Variants in LIPJ observed in about 807,000 individuals in gnomAD.
The protein encoded by LIPJ is lipase member J.
A neutral mutation model predicts 39.8 loss-of-function variants in LIPJ; 33 were observed. The ratio of observed to expected loss-of-function variants is 0.83; its 90% CI spans 0.63 to 1.11. The LOEUF is 1.11. Ranked by LOEUF, LIPJ falls within the 50% of genes least tolerant of loss-of-function variation. The pLI, the probability that LIPJ is intolerant of heterozygous loss-of-function variation, is 0.00. For synonymous variants in LIPJ, 128 were observed against 139.2 expected (o/e 0.92, Z 0.57); for missense variants, 422 against 427.9 (o/e 0.99, Z 0.12).
upstream of LIPJ, chr10:88,583,010 C>CA (rs1850734820): frequency 6.4e-7 from 1 of 1,565,728 alleles, no homozygotes; most frequent in Non-Finnish European, 8.7e-7. Flanking sequence ...TGCAGGCCCA[C>CA]ACCACCTCAG....
chr10:88,613,844 A>G, the LIPJ span, among the ~76,000 whole-genome samples: 1 of 143,782 alleles, frequency 7.0e-6, no homozygotes, highest in Admixed American at 7.1e-5. Context: ...GTATATATAT[A>G]TGTATATATG....
intron 8 of LIPJ, among the ~76,000 whole-genome samples, chr10:88,601,995 T>C (rs1336865608): frequency 6.6e-6 from 1 of 152,184 alleles, no homozygotes. Context: ...CAAACATAGA[T>C]TACAGATTAA....
At chr10:88,597,903 G>T (rs569517216) in intron 8 of LIPJ, among the ~76,000 whole-genome samples, 28 of 151,942 alleles carry the variant, frequency 1.8e-4, no homozygotes, top group African/African-American at 4.8e-4. Context: ...GTTTTAGGTA[G>T]TATATTTGGC....
intron 2 of LIPJ, among the ~76,000 whole-genome samples, chr10:88,587,965 T>G (rs1044772798): frequency 2.0e-5 from 3 of 152,054 alleles, no homozygotes; most frequent in Non-Finnish European, 2.9e-5. Flanking sequence ...TGATGAGATA[T>G]TTTACATTAT....
At chr10:88,590,901 C>T (rs889378748) in intron 3 of LIPJ, among the ~76,000 whole-genome samples, 3 of 151,626 alleles carry the variant, frequency 2.0e-5, no homozygotes, top group African/African-American at 7.3e-5. Flanking sequence ...CATACTTTCA[C>T]ATATTTGAAA....
At chr10:88,601,256 T>C (rs1590085897) in intron 8 of LIPJ, among the ~76,000 whole-genome samples, 1 of 152,234 alleles carries the variant, frequency 6.6e-6, no homozygotes, top group African/African-American at 2.4e-5. Flanking sequence ...GGGCAGAGCC[T>C]TTACAGCTCA....
chr10:88,589,282 G>A (rs1263612665), intron 2 of LIPJ, among the ~76,000 whole-genome samples: 1 of 151,850 alleles, frequency 6.6e-6, no homozygotes, highest in Admixed American at 6.6e-5. Flanking sequence ...GACAGCCCAT[G>A]AGGAGAGAGA....
chr10:88,614,866 A>T, the LIPJ span, among the ~76,000 whole-genome samples: 394 of 152,294 alleles, frequency 2.6e-3, 3 homozygotes, highest in Middle Eastern at 6.8e-3. Flanking sequence ...GAAATAAACT[A>T]GAGAGTCTAG....
At chr10:88,616,704 C>T in the LIPJ span, among the ~76,000 whole-genome samples, 1 of 152,190 alleles carries the variant, frequency 6.6e-6, no homozygotes, top group Non-Finnish European at 1.5e-5. Context: ...ATGGGTATCC[C>T]GCAACCCCTG....
chr10:88,591,405 C>G (rs1233317712), exon 4 of LIPJ: 1 of 1,602,494 alleles, frequency 6.2e-7, no homozygotes, highest in East Asian at 2.3e-5. Context: ...CTGGGGCTAC[C>G]CTGATGAAGA....
upstream of LIPJ, chr10:88,583,590 A>T: frequency 2.0e-6 from 2 of 1,000,924 alleles, no homozygotes; most frequent in Non-Finnish European, 2.4e-6. Flanking sequence ...GCCTGTTGGG[A>T]TTTTTGCTGT....
intron 4 of LIPJ, chr10:88,592,525 A>G (rs898630023): frequency 2.0e-5 from 3 of 151,860 alleles, no homozygotes; most frequent in African/African-American, 7.2e-5. Flanking sequence ...ATAATATAAT[A>G]TGACTCAGCT....
intron 9 of LIPJ, among the ~76,000 whole-genome samples, chr10:88,603,710 A>C (rs1020162118): frequency 6.6e-6 from 1 of 152,332 alleles, no homozygotes; most frequent in African/African-American, 2.4e-5. Flanking sequence ...GCTAATGATT[A>C]TGAATGTACA....
chr10:88,588,743 T>A (rs370345067), intron 2 of LIPJ, among the ~76,000 whole-genome samples: 9 of 151,976 alleles, frequency 5.9e-5, no homozygotes, highest in Admixed American at 5.9e-4. Flanking sequence ...TTAGCTTTCA[T>A]ATTAAAATTA....
intron 8 of LIPJ, among the ~76,000 whole-genome samples, chr10:88,598,124 C>T (rs1348306998): frequency 6.6e-6 from 1 of 151,910 alleles, no homozygotes; most frequent in African/African-American, 2.4e-5. Flanking sequence ...AATTTTCACG[C>T]ACAGTGTGTT....
chr10:88,586,639 T>C (rs1455675353), upstream of LIPJ: 1 of 152,152 alleles, frequency 6.6e-6, no homozygotes, highest in African/African-American at 2.4e-5. Flanking sequence ...ATCTCACTTT[T>C]TTACCTGTTT....
At chr10:88,604,682 A>T (rs1590089158) in intron 9 of LIPJ, among the ~76,000 whole-genome samples, 1 of 152,222 alleles carries the variant, frequency 6.6e-6, no homozygotes, top group African/African-American at 2.4e-5. Context: ...TAAAGGAGAT[A>T]GGGAGGTTTG....
the LIPJ span, among the ~76,000 whole-genome samples, chr10:88,617,578 G>A: frequency 6.6e-6 from 1 of 152,132 alleles, no homozygotes; most frequent in East Asian, 1.9e-4. Context: ...GTGAAGAGGA[G>A]AGAATACATG....
the LIPJ span, among the ~76,000 whole-genome samples, chr10:88,616,486 T>C: frequency 6.6e-6 from 1 of 152,230 alleles, no homozygotes; most frequent in African/African-American, 2.4e-5. Context: ...CGAGCTCAGT[T>C]GGCGCCGAGC....
Sources: allele counts gnomAD v4.1 joint callset (sites outside exome capture counted in the v4.1 genomes callset), GRCh38; gene constraint gnomAD v4.1.1; transcripts MANE v1.5; gene names NCBI Gene and HGNC (gene_info 2026-07-23, HGNC 2026-07-21).